Variants in MADCAM1 observed in about 807,000 individuals in gnomAD.
MADCAM1 encodes the protein mucosal addressin cell adhesion molecule 1.
MADCAM1 carries 19 observed loss-of-function variants against 26.1 expected under a neutral mutation model. The ratio of observed to expected loss-of-function variants is 0.73; its 90% CI spans 0.51 to 1.07. The LOEUF (loss-of-function observed/expected upper bound fraction) is 1.07, where lower values mean the gene tolerates loss of function less well. MADCAM1 is among the 50% of genes least tolerant of loss of function. The pLI is 0.00. For missense variants in MADCAM1, 514 were observed against 542.1 expected, an observed-to-expected ratio of 0.95 and a Z score of 0.51; for synonymous variants, 268 against 260.9, an observed-to-expected ratio of 1.03 and a Z score of -0.26.
chr19:500,106 GGCCAGGGCAGAAA>G (rs1420150262), intron 3 of MADCAM1: 1 of 456,206 alleles, frequency 2.2e-6, no homozygotes, highest in Non-Finnish European at 4.4e-6. Context: ...TGGAGCAGAA[GGCCAGGGCAGAAA>G]GCCCCCAAGC....
chr19:499,972 G>C (rs996314459), intron 3 of MADCAM1: 3 of 429,216 alleles, frequency 7.0e-6, no homozygotes, highest in African/African-American at 6.4e-5. Flanking sequence ...GAAGCTGGGA[G>C]ACCCGGGAGG....
At chr19:504,480 G>C (rs893274399) in intron 4 of MADCAM1, among the ~76,000 whole-genome samples, 2 of 152,100 alleles carry the variant, frequency 1.3e-5, no homozygotes, top group Admixed American at 1.3e-4. Context: ...GGCTGGTCTC[G>C]AACTCCTGAC....
At position 498,671 on chromosome 19, in the gene MADCAM1, G is replaced by A. The variant is rs1415817209; in HGVS notation, c.513G>A (p.Glu171=). 3 of 1,453,920 alleles carry A rather than the reference G, an allele frequency of 2.1e-6. No homozygotes were observed. Among genetic ancestry groups the A allele is most frequent in the East Asian group, 5.1e-5 (2 of 38,900 alleles). 90.1% of individuals were successfully genotyped at this position (1,453,920 alleles called of 1,614,324 possible). A position where few individuals can be genotyped will look rare whatever the true frequency, so the allele number is the denominator to read the frequency against. The part of the protein sequence containing the change: ...AQALGPEVQE[E]EEEPQGDEDV... ...CCCTGGGCCCGGAGGTGCAGGAGGA[G>A]GAGGAGGAGCCCCAGGGGGACGAGG... Residue 171 remains glutamate, a synonymous_variant, in exon 3 of 5, where the codon GAG becomes GAA. Transcript: ENST00000215637.
At chr19:500,319 G>A (rs1012928991) in intron 3 of MADCAM1, among the ~76,000 whole-genome samples, 1 of 152,204 alleles carries the variant, frequency 6.6e-6, no homozygotes, top group African/African-American at 2.4e-5. Flanking sequence ...GGGGGACCTG[G>A]AATGCCCGGA....
intron 1 of MADCAM1, 151 bp from the exon 2 acceptor site, chr19:497,682 T>C: frequency 1.8e-6 from 1 of 549,132 alleles, no homozygotes; most frequent in East Asian, 3.8e-5. Flanking sequence ...GGAGTCCGGG[T>C]AGCGGCGGGG....
At chr19:498,952 G>A (rs1250636916) in intron 3 of MADCAM1, 127 bp downstream of exon 3, 4 of 1,312,624 alleles carry the variant, frequency 3.0e-6, no homozygotes, top group Admixed American at 4.4e-5. Context: ...ATTCCCCCAC[G>A]CAGCGACAGC....
Position 497,950 on chromosome 19 carries a change from C to A in MADCAM1, c.170C>A (p.Ser57Ter). 6.9e-7 allele frequency: 1 copy of A among 1,440,298 alleles called. No homozygotes were observed. Among genetic ancestry groups the A allele is most frequent in the Non-Finnish European group, 9.1e-7 (1 of 1,102,636 alleles). 89.2% of individuals were successfully genotyped at this position (1,440,298 alleles called of 1,614,324 possible). The change falls in exon 2 of 5, where the codon TCG (serine) becomes TAG (stop). Residue 57 changes from serine (S) to a stop codon, truncating the protein, a stop_gained. Coordinates refer to ENST00000215637, the MANE Select transcript of MADCAM1 (RefSeq NM_130760.3). LOFTEE classifies it high-confidence loss of function. ...CTGGCCTGCGCGGACCGCGGGGCCT[C>A]GGTGCAGTGGCGGGGCCTGGACACC... ...CRLACADRGA[S>*]VQWRGLDTSL...
At chr19:499,263 C>A (rs1293937132) in intron 3 of MADCAM1, 5 of 463,990 alleles carry the variant, frequency 1.1e-5, no homozygotes, top group African/African-American at 2.0e-5. Flanking sequence ...CCGGGAATAC[C>A]CTTCTTCCGG....
At chr19:497,208 T>G (rs1419396404) in intron 1 of MADCAM1, among the ~76,000 whole-genome samples, 1 of 24,344 alleles carries the variant, frequency 4.1e-5, no homozygotes, top group Non-Finnish European at 7.5e-5. Context: ...GGGGGCGCAG[T>G]AAAGTGAAGA....
intron 2 of MADCAM1, 125 bp from the exon 3 acceptor site, chr19:498,358 AGGCCGTCCCTACT>A: frequency 2.0e-6 from 2 of 1,006,698 alleles, no homozygotes; most frequent in Non-Finnish European, 2.6e-6. Flanking sequence ...GCCTGCGCAC[AGGCCGTCCCTACT>A]GCCTGTTCAT....
rs1310128116 is a variant in MADCAM1 at position 498,983 on chromosome 19, G to GT, written c.667+159dup. ...ACAGCGACATTCATCGACGCAACAT[G>GT]TATTTGCCGAGCACCTGCCCCCCAG... On this transcript the variant is annotated intron_variant, in intron 3 of 4. Transcript: ENST00000215637. 9.6e-6 allele frequency: 11 copies of GT among 1,141,840 alleles called. No individual in the cohort carries two copies. In the Admixed American group the frequency reaches 1.5e-4, roughly 16 times the overall value. The allele number at this position is 1,141,840 out of a possible 1,614,324, so 70.7% of individuals were successfully genotyped here. A position where few individuals can be genotyped will look rare whatever the true frequency, so the allele number is the denominator to read the frequency against.
At chr19:497,697 G>T (rs1262066368) in intron 1 of MADCAM1, 136 bp from the exon 2 acceptor site, 1 of 678,450 alleles carries the variant, frequency 1.5e-6, no homozygotes, top group Non-Finnish European at 2.1e-6. Context: ...GCGGGGCAGG[G>T]GTCCGGGGGT....
At chr19:502,807 C>T (rs2145823497) in intron 4 of MADCAM1, among the ~76,000 whole-genome samples, 1 of 152,340 alleles carries the variant, frequency 6.6e-6, no homozygotes, top group African/African-American at 2.4e-5. Flanking sequence ...CTGCTGTGTC[C>T]TGCATCCACT....
rs937947607 is a variant in MADCAM1, at chr19:503,318, A to C, written c.928+1389A>C. ...AAAAATGGGCCGGGCACGGTGGCTTATGCCTGTAATCCCTGCACTTTGGGA... is the reference window on the plus strand; with the variant it reads ...AAAAATGGGCCGGGCACGGTGGCTTCTGCCTGTAATCCCTGCACTTTGGGA... On this transcript the variant is annotated intron_variant, in intron 4 of 4. Coordinates refer to ENST00000215637, the MANE Select transcript of MADCAM1 (RefSeq NM_130760.3). 2.7e-5 allele frequency among the ~76,000 whole-genome samples: 4 copies of C among 149,210 alleles called. No individual in the cohort carries two copies. The East Asian group carries it at 6.0e-4, about 22-fold the overall frequency.
At chr19:502,421 C>T (rs1978391480) in intron 4 of MADCAM1, among the ~76,000 whole-genome samples, 1 of 152,032 alleles carries the variant, frequency 6.6e-6, no homozygotes, top group Admixed American at 6.6e-5. Context: ...CCTGCCTCAG[C>T]CTCCTGAGTT....
At position 504,869 on chromosome 19, in the gene MADCAM1, C is replaced by G. The variant is rs147245939; in HGVS notation, c.1053C>G (p.Asp351Glu). The G allele has an allele frequency of 1.2e-6, 2 of 1,612,928 alleles. No homozygotes were observed. The highest frequency in any genetic ancestry group is 1.7e-6 in the Non-Finnish European group (2 of 1,179,950). Residue 351 changes from aspartate (D) to glutamate (E), a missense_variant, in exon 5 of 5, where the codon GAC becomes GAG. Around this residue, in one of 3 missense-constraint regions of MADCAM1, gnomAD observed 152 missense variants for 136.7 expected, o/e 1.11. Coordinates refer to ENST00000215637, the MANE Select transcript of MADCAM1 (RefSeq NM_130760.3). Reference protein sequence around the residue: ...LWKRCRHLAEDDTHPPASLRL... With the variant: ...LWKRCRHLAEEDTHPPASLRL... ...AACGCTGCCGGCACCTGGCTGAGGACGACACCCACCCACCAGCTTCTCTGA... is the reference window on the plus strand; with the variant it reads ...AACGCTGCCGGCACCTGGCTGAGGAGGACACCCACCCACCAGCTTCTCTGA...
At position 501,676 on chromosome 19, in the gene MADCAM1, C is replaced by G; in HGVS notation, c.675C>G (p.His225Gln). The G allele has an allele frequency of 6.2e-7, 1 of 1,609,234 alleles. No individual in the cohort carries two copies. Residue 225 changes from histidine to glutamine, a missense_variant, in exon 4 of 5, where the codon CAC becomes CAG. Coordinates refer to ENST00000215637, the MANE Select transcript of MADCAM1 (RefSeq NM_130760.3). The part of the protein sequence containing the change: ...LSHRQAIPVL[H>Q]SPTSPEPPDT... ...CCCTCACTCTGTTTCCAGTCCTGCA[C>G]AGCCCGACCTCCCCGGAGCCTCCCG...
At chr19:498,962 C>A in intron 3 of MADCAM1, 137 bp downstream of exon 3, 2 of 1,234,588 alleles carry the variant, frequency 1.6e-6, no homozygotes, top group Non-Finnish European at 2.3e-6. Context: ...GCAGCGACAG[C>A]GACATTCATC....
At chr19:498,892 TGGGGGGGTG>T in intron 3 of MADCAM1, 67 bp downstream of exon 3, 5 of 62,434 alleles carry the variant, frequency 8.0e-5, no homozygotes, top group Non-Finnish European at 1.2e-4. Flanking sequence ...CGGGACGGGG[TGGGGGGGTG>T]GGGGGGCAGC....
Sources: allele counts gnomAD v4.1 joint callset (sites outside exome capture counted in the v4.1 genomes callset), GRCh38; gene constraint gnomAD v4.1.1; regional missense constraint gnomAD v4.1.1; transcripts MANE v1.5; gene names NCBI Gene and HGNC (gene_info 2026-07-23, HGNC 2026-07-21).